Variants in UBASH3A observed in about 807,000 individuals in gnomAD.
UBASH3A encodes ubiquitin-associated and SH3 domain-containing protein A.
In UBASH3A, 63 loss-of-function variants were observed where a neutral mutation model predicts 73.5. That is an observed-to-expected ratio of 0.86 (90% CI 0.70 to 1.06). The LOEUF is 1.06. Ranked by LOEUF, UBASH3A falls within the 50% of genes least tolerant of loss-of-function variation. The pLI is 0.00. For synonymous variants in UBASH3A, 363 were observed against 351.1 expected, an observed-to-expected ratio of 1.03 and a Z score of -0.38; for missense variants, 860 against 859.0, an observed-to-expected ratio of 1.00 and a Z score of -0.02.
Position 42,413,194 on chromosome 21 carries a change from C to A in UBASH3A, c.525C>A (p.Thr175=). Residue 175 remains threonine, a synonymous_variant, in exon 4 of 15, where the codon ACC becomes ACA. Coordinates refer to ENST00000319294, the MANE Select transcript of UBASH3A (RefSeq NM_018961.4). This position sits in a 1 kb window ranked among gnomAD's most constrained non-coding sequence, Gnocchi z 4.5. ...ACGTCATCCGGGAATTCGCCATGAC[C>A]TTCGCCACGGAAGCATCTCTCTTAG... ...PADVIREFAM[T]FATEASLLAG... is the part of the protein sequence containing the mutation. The A allele has an allele frequency of 6.2e-7, 1 of 1,614,228 alleles. No homozygotes were observed. The highest frequency in any genetic ancestry group is 8.5e-7 in the Non-Finnish European group (1 of 1,180,032).
At chr21:42,406,968 C>T (rs765965324) in intron 2 of UBASH3A, among the ~76,000 whole-genome samples, 8 of 152,116 alleles carry the variant, frequency 5.3e-5, no homozygotes, top group Non-Finnish European at 1.2e-4. Flanking sequence ...ACCATGCTCT[C>T]GGGCTGCCTC....
chr21:42,439,073 G>A (rs556621146), intron 11 of UBASH3A, among the ~76,000 whole-genome samples: 7 of 152,134 alleles, frequency 4.6e-5, no homozygotes, highest in South Asian at 2.1e-4. Context: ...CGTCAGAGAC[G>A]CTCCCTCAGA....
intron 11 of UBASH3A, among the ~76,000 whole-genome samples, chr21:42,441,102 AT>A (rs1393060066): frequency 2.0e-5 from 3 of 151,946 alleles, no homozygotes; most frequent in African/African-American, 7.3e-5. Context: ...TTTAAAGGGC[AT>A]GGGTTTATAA....
chr21:42,407,947 G>A (rs897777350), intron 2 of UBASH3A, among the ~76,000 whole-genome samples: 2 of 152,236 alleles, frequency 1.3e-5, no homozygotes, highest in Non-Finnish European at 2.9e-5. Context: ...AACTTCACTA[G>A]ACACGTGTGT....
intron 14 of UBASH3A, among the ~76,000 whole-genome samples, chr21:42,446,728 C>G (rs1326631719): frequency 2.6e-5 from 4 of 152,230 alleles, no homozygotes; most frequent in African/African-American, 9.6e-5. Context: ...CCACCTCAGC[C>G]TGCAGACCTT....
At chr21:42,439,707 AC>A (rs35849649) in intron 11 of UBASH3A, among the ~76,000 whole-genome samples, 21,490 of 144,838 alleles carry the variant, frequency 0.15, 2,009 homozygotes, top group African/African-American at 0.26. Flanking sequence ...ACACCCACAC[AC>A]ACACCATGCA....
chr21:42,426,490 C>T (rs1371415972), intron 7 of UBASH3A, among the ~76,000 whole-genome samples: 4 of 152,246 alleles, frequency 2.6e-5, no homozygotes, highest in Admixed American at 6.5e-5. Context: ...CCATCATAGA[C>T]GGTGATCATT....
intron 1 of UBASH3A, among the ~76,000 whole-genome samples, chr21:42,406,006 G>A (rs1223992466): frequency 6.6e-6 from 1 of 150,686 alleles, no homozygotes; most frequent in Non-Finnish European, 1.5e-5. Flanking sequence ...GGCAGGCCAG[G>A]GAGAGGGATT....
intron 11 of UBASH3A, among the ~76,000 whole-genome samples, chr21:42,438,105 T>TCTGCCTTCAGCCTGAACC (rs2053661414): frequency 6.6e-6 from 1 of 152,184 alleles, no homozygotes; most frequent in African/African-American, 2.4e-5. Context: ...AGGCCTGGGC[T>TCTGCCTTCAGCCTGAACC]CTGCCTTCAG....
At chr21:42,446,154 G>A (rs1193978644) in intron 14 of UBASH3A, among the ~76,000 whole-genome samples, 1 of 152,080 alleles carries the variant, frequency 6.6e-6, no homozygotes, top group Non-Finnish European at 1.5e-5. Flanking sequence ...CCACTCCTTG[G>A]ACCCTTCACC....
At chr21:42,408,681 A>G (rs534422509) in intron 2 of UBASH3A, among the ~76,000 whole-genome samples, 2 of 151,994 alleles carry the variant, frequency 1.3e-5, no homozygotes, top group Non-Finnish European at 2.9e-5. Context: ...TTTTATTTCC[A>G]TTTTTATTGT....
At chr21:42,408,043 A>G (rs2146491009) in intron 2 of UBASH3A, among the ~76,000 whole-genome samples, 1 of 152,356 alleles carries the variant, frequency 6.6e-6, no homozygotes, top group Admixed American at 6.5e-5. Flanking sequence ...ATTTATGTAA[A>G]ACAAGTGCTA....
chr21:42,411,980 A>T (rs895943811), intron 3 of UBASH3A, among the ~76,000 whole-genome samples: 1 of 152,186 alleles, frequency 6.6e-6, no homozygotes, highest in South Asian at 2.1e-4. Context: ...AAACACTGTG[A>T]TCTGGCCTCA....
At chr21:42,419,718 G>A (rs1193381486) in intron 7 of UBASH3A, among the ~76,000 whole-genome samples, 1 of 152,192 alleles carries the variant, frequency 6.6e-6, no homozygotes, top group Non-Finnish European at 1.5e-5. Context: ...CAATGGTTTG[G>A]CTTAGGATTT....
chr21:42,427,094 C>T (rs931338848), intron 8 of UBASH3A, among the ~76,000 whole-genome samples: 1 of 152,136 alleles, frequency 6.6e-6, no homozygotes, highest in Non-Finnish European at 1.5e-5. Flanking sequence ...AGTTCTCATC[C>T]CATTCCCTCA....
chr21:42,438,156 T>C (rs2053662196), intron 11 of UBASH3A, among the ~76,000 whole-genome samples: 1 of 152,124 alleles, frequency 6.6e-6, no homozygotes, highest in South Asian at 2.1e-4. Flanking sequence ...GGAAGAGGGA[T>C]AAGATCTCGG....
intron 3 of UBASH3A, chr21:42,410,558 G>T: frequency 3.2e-6 from 1 of 312,994 alleles, no homozygotes. Flanking sequence ...GACTTGCAGG[G>T]ATCCCCAGAG....
chr21:42,428,902 G>A (rs2053484056), intron 8 of UBASH3A, among the ~76,000 whole-genome samples: 1 of 152,134 alleles, frequency 6.6e-6, no homozygotes, highest in Non-Finnish European at 1.5e-5. Context: ...TAGAATCATG[G>A]CCCCAGAGAT....
chr21:42,416,313 G>A (rs2053205508), intron 5 of UBASH3A, 129 bp from the exon 6 acceptor site: 2 of 954,808 alleles, frequency 2.1e-6, no homozygotes, highest in African/African-American at 3.5e-5. Context: ...TATGATGTGA[G>A]TTCTGAGCGG....
Sources: gnomAD v4.1 joint callset for allele counts (sites outside exome capture counted in the v4.1 genomes callset) on GRCh38, gnomAD v4.1.1 for gene constraint, Gnocchi (gnomAD v3.1) non-coding constraint, MANE v1.5 for transcripts, NCBI Gene and HGNC (gene_info 2026-07-23, HGNC 2026-07-21) for gene names.